Variants in DOK6 observed in about 807,000 individuals in gnomAD.
DOK6 encodes the protein docking protein 6.
A neutral mutation model predicts 44.0 loss-of-function variants in DOK6; 22 were observed. The ratio of observed to expected loss-of-function variants is 0.50; its 90% CI spans 0.36 to 0.71. DOK6 has a LOEUF of 0.71. DOK6 is among the 30% of genes least tolerant of loss of function. The probability of loss-of-function intolerance (pLI) is 0.00; values close to 1 mark genes in which losing one functional copy is unlikely to be tolerated. For synonymous variants in DOK6, 166 were observed against 145.5 expected (o/e 1.14, Z -1.01); for missense variants, 340 against 416.4 (o/e 0.82, Z 1.60).
chr18:69,745,759 T>C lies in DOK6; in HGVS notation c.738+6656T>C, dbSNP rs1978964676. On this transcript the variant is annotated intron_variant, in intron 6 of 7. Coordinates refer to ENST00000382713, the MANE Select transcript of DOK6 (RefSeq NM_152721.6). Reference sequence around the variant, plus strand: ...AGCACAATGATATCATAATATGTACTTCACAGTGTTAGAACACCACCTGGT... The same window carrying C: ...AGCACAATGATATCATAATATGTACCTCACAGTGTTAGAACACCACCTGGT... Among the ~76,000 whole-genome samples the C allele has an allele frequency of 2.0e-5, 3 of 152,202 alleles. 1 individual carries two copies. The South Asian group carries it at 6.2e-4, about 32-fold the overall frequency.
intron 2 of DOK6, among the ~76,000 whole-genome samples, chr18:69,579,066 G>A (rs1292871530): frequency 6.6e-6 from 1 of 152,126 alleles, no homozygotes; most frequent in Admixed American, 6.5e-5. Flanking sequence ...TTATTTGAGA[G>A]CAGGTCCTTA....
At chr18:69,522,515 G>GATT (rs1981716139) in intron 1 of DOK6, among the ~76,000 whole-genome samples, 1 of 151,736 alleles carries the variant, frequency 6.6e-6, no homozygotes, top group South Asian at 2.1e-4. Flanking sequence ...ACTTATGGAT[G>GATT]GATAATATCT....
intron 5 of DOK6, among the ~76,000 whole-genome samples, chr18:69,705,361 TTTTTGTTTTG>T (rs533579913): frequency 2.0e-5 from 3 of 152,188 alleles, no homozygotes; most frequent in Non-Finnish European, 4.4e-5. Flanking sequence ...TCTTGGTTTG[TTTTTGTTTTG>T]TTTTGTTTTG....
intron 5 of DOK6, among the ~76,000 whole-genome samples, chr18:69,707,611 T>G (rs974339548): frequency 8.5e-5 from 13 of 152,202 alleles, no homozygotes; most frequent in African/African-American, 2.9e-4. Context: ...TTTATGCAAC[T>G]GGAACTGATC....
intron 1 of DOK6, among the ~76,000 whole-genome samples, chr18:69,540,059 T>A (rs1982228925): frequency 6.6e-6 from 1 of 151,418 alleles, no homozygotes; most frequent in South Asian, 2.1e-4. Context: ...CAAATGCTTA[T>A]AAAACCATCA....
chr18:69,479,151 A>T (rs993417238), intron 1 of DOK6, among the ~76,000 whole-genome samples: 1 of 152,158 alleles, frequency 6.6e-6, no homozygotes, highest in Admixed American at 6.5e-5. Flanking sequence ...GTTATTATAA[A>T]CTAAAATAGA....
intron 7 of DOK6, among the ~76,000 whole-genome samples, chr18:69,808,010 C>T (rs1487533475): frequency 6.6e-6 from 1 of 151,766 alleles, no homozygotes; most frequent in African/African-American, 2.4e-5. Flanking sequence ...TCTAAGCACA[C>T]ATGGACTATT....
chr18:69,705,161 T>C (rs970600330), intron 5 of DOK6: 8 of 152,246 alleles, frequency 5.3e-5, no homozygotes, highest in Non-Finnish European at 7.3e-5. Flanking sequence ...AAATGTTCTC[T>C]TTGAAGCGTT....
At chr18:69,736,277 ATCCTATATTGTTATAATTTCCCTATATC>A (rs1978602872) in intron 5 of DOK6, among the ~76,000 whole-genome samples, 3 of 152,060 alleles carry the variant, frequency 2.0e-5, no homozygotes, top group East Asian at 3.9e-4. Flanking sequence ...AGTCTTTTGA[ATCCTATATTGTTATAATTTCCCTATATC>A]ACAATGTTGA....
chr18:69,537,373 AAT>A (rs749813122), intron 1 of DOK6, among the ~76,000 whole-genome samples: 5 of 152,066 alleles, frequency 3.3e-5, no homozygotes, highest in Non-Finnish European at 7.4e-5. Flanking sequence ...GCACACTGAG[AAT>A]ATCATTATCA....
At chr18:69,727,485 A>G (rs936239258) in intron 5 of DOK6, among the ~76,000 whole-genome samples, 1 of 152,242 alleles carries the variant, frequency 6.6e-6, no homozygotes. Flanking sequence ...AAATATATTC[A>G]GTTCACTCCA....
intron 5 of DOK6, among the ~76,000 whole-genome samples, chr18:69,716,678 C>A (rs1344171782): frequency 2.5e-5 from 3 of 120,610 alleles, no homozygotes; most frequent in Admixed American, 1.0e-4. Flanking sequence ...ATAACAGATT[C>A]TCTGCAGAAT....
rs1254862286 is a variant in DOK6, at chr18:69,547,924, A to AATATATAATATATATATAATAT, written c.67-16557_67-16536dup. On this transcript the variant is annotated intron_variant, in intron 1 of 7. Coordinates refer to ENST00000382713, the MANE Select transcript of DOK6 (RefSeq NM_152721.6). Reference sequence around the variant, plus strand: ...ATAATATTCCATTGTATCTATATATAATATATAATATATATATAATATATA... The same window carrying AATATATAATATATATATAATAT: ...ATAATATTCCATTGTATCTATATATAATATATAATATATATATAATATATATATAATATATATATAATATATA... Among the ~76,000 whole-genome samples, 760 of 144,428 alleles carry AATATATAATATATATATAATAT rather than the reference A, an allele frequency of 5.3e-3. 12 individuals are homozygous for AATATATAATATATATATAATAT. Among genetic ancestry groups the AATATATAATATATATATAATAT allele is most frequent in the African/African-American group, 0.017 (687 of 40,318 alleles). The allele number at this position is 144,428 out of a possible 152,430, so 94.8% of individuals were successfully genotyped here.
intron 1 of DOK6, among the ~76,000 whole-genome samples, chr18:69,428,610 G>C (rs903282226): frequency 3.3e-5 from 5 of 152,052 alleles, no homozygotes; most frequent in Middle Eastern, 3.2e-3. Flanking sequence ...GTAGGTCAAA[G>C]AGAAAGTGAT....
At chr18:69,672,723 G>A (rs1256455410) in intron 3 of DOK6, among the ~76,000 whole-genome samples, 1 of 150,258 alleles carries the variant, frequency 6.7e-6, no homozygotes, top group African/African-American at 2.4e-5. Context: ...GGGTGGGGGC[G>A]GTGGGGAAAC....
chr18:69,792,435 G>GT (rs941641327), intron 7 of DOK6, among the ~76,000 whole-genome samples: 5 of 151,392 alleles, frequency 3.3e-5, no homozygotes, highest in South Asian at 2.1e-4. Flanking sequence ...GTGTTTTACG[G>GT]TTTTTTTTGT....
chr18:69,616,817 G>A (rs1308218170), intron 3 of DOK6, among the ~76,000 whole-genome samples: 1 of 152,042 alleles, frequency 6.6e-6, no homozygotes, highest in Non-Finnish European at 1.5e-5. Flanking sequence ...CTCGATAATT[G>A]GGTGCCAGAC....
At position 69,596,691 on chromosome 18, in the gene DOK6, G is replaced by A. The variant is rs560004123; in HGVS notation, c.175-2693G>A. Among the ~76,000 whole-genome samples, 10 of 152,246 alleles carry A rather than the reference G, an allele frequency of 6.6e-5. No individual in the cohort carries two copies. The South Asian group carries it at 2.1e-3, about 32-fold the overall frequency. ...GAGACAGACTAAAACTCACAGACAT[G>A]CCTTACAAGAAATAGTAAGTGATCC... On this transcript the variant is annotated intron_variant, in intron 2 of 7. Transcript: ENST00000382713.
At chr18:69,783,048 C>T (rs1980324461) in intron 7 of DOK6, among the ~76,000 whole-genome samples, 1 of 152,140 alleles carries the variant, frequency 6.6e-6, no homozygotes, top group Admixed American at 6.6e-5. Flanking sequence ...TTGATCAGAG[C>T]CATTGATTCA....
Sources: gnomAD v4.1 joint callset for allele counts (sites outside exome capture counted in the v4.1 genomes callset) on GRCh38, gnomAD v4.1.1 for gene constraint, MANE v1.5 for transcripts, NCBI Gene and HGNC (gene_info 2026-07-23, HGNC 2026-07-21) for gene names.